MYH14: variants seen among roughly 807,000 people sequenced by gnomAD.
MYH14 encodes the protein myosin heavy chain 14.
In MYH14, 123 loss-of-function variants were observed where a neutral mutation model predicts 255.5. That is an observed-to-expected ratio of 0.48 (90% CI 0.42 to 0.56). The LOEUF (loss-of-function observed/expected upper bound fraction) is 0.56, where lower values mean the gene tolerates loss of function less well. Ranked by LOEUF, MYH14 falls within the 20% of genes least tolerant of loss-of-function variation. The pLI, the probability that MYH14 is intolerant of heterozygous loss-of-function variation, is 0.00. For missense variants in MYH14, 2,423 were observed against 2,802.3 expected, an observed-to-expected ratio of 0.86 and a Z score of 3.06; for synonymous variants, 1,095 against 1,161.2, an observed-to-expected ratio of 0.94 and a Z score of 1.16.
At chr19:50,274,120 C>T (rs1032399179) in intron 27 of MYH14, among the ~76,000 whole-genome samples, 4 of 152,166 alleles carry the variant, frequency 2.6e-5, no homozygotes, top group Non-Finnish European at 5.9e-5. Flanking sequence ...ACTTCGCATA[C>T]CCTGAGCCCT....
intron 16 of MYH14, among the ~76,000 whole-genome samples, chr19:50,253,946 G>A (rs914047527): frequency 1.5e-4 from 23 of 152,286 alleles, no homozygotes; most frequent in South Asian, 2.1e-4. Context: ...GGCCAGGCGC[G>A]GTGGCTCACG....
intron 2 of MYH14, among the ~76,000 whole-genome samples, chr19:50,214,770 G>A (rs188409065): frequency 6.3e-4 from 96 of 152,254 alleles, no homozygotes; most frequent in African/African-American, 2.2e-3. Context: ...GACAGAGCCA[G>A]ACTCTGTCCC....
rs149415127 is a variant in MYH14 at position 50,213,722 on chromosome 19, C to A, written c.405+2952C>A. Among the ~76,000 whole-genome samples the A allele has an allele frequency of 7.2e-5, 11 of 152,292 alleles. No homozygotes were observed. In the East Asian group the frequency reaches 2.1e-3, roughly 29 times the overall value. On this transcript the variant is annotated intron_variant, in intron 2 of 42. Transcript: ENST00000642316. ...AAGGTTGTGAGGTAGGGATTATCAC[C>A]CTCTTTTTCCCACAGCTTGGAGAGG...
At chr19:50,235,404 C>CG (rs397703697) in intron 10 of MYH14, among the ~76,000 whole-genome samples, 26 of 151,284 alleles carry the variant, frequency 1.7e-4, no homozygotes, top group African/African-American at 6.3e-4. Context: ...GCTGGCCCCC[C>CG]AGCTCCCTAC....
chr19:50,276,190 C>T lies in MYH14; in HGVS notation c.3667C>T (p.Gln1223Ter). ...GGACACGCTGGACTCCACCAACGCA[C>T]AGCAGGAGCTCCGGTGAGGCCCGGT... ...LEDTLDSTNA[Q>*]QELRSKREQE... Residue 1223 changes from glutamine (Q) to a stop codon, truncating the protein, a stop_gained, in exon 28 of 43, where the codon CAG becomes TAG. Transcript: ENST00000642316. LOFTEE classifies it high-confidence loss of function. This position sits in a 1 kb window ranked among gnomAD's most constrained non-coding sequence, Gnocchi z 4.3. 2 of 1,544,488 alleles carry T rather than the reference C, an allele frequency of 1.3e-6. No homozygotes were observed. Among genetic ancestry groups the T allele is most frequent in the Non-Finnish European group, 1.7e-6 (2 of 1,144,428 alleles).
At chr19:50,240,227 G>C (rs10426117) in intron 10 of MYH14, among the ~76,000 whole-genome samples, 44,049 of 152,130 alleles carry the variant, frequency 0.29, 6,479 homozygotes, top group East Asian at 0.44. Flanking sequence ...CCTGGAGCTG[G>C]ATGTCTATAG....
Position 50,307,087 on chromosome 19 carries a change from A to G in MYH14, c.5717A>G (p.Glu1906Gly), listed in dbSNP as rs1382667804. ...TCTGGAAAGCTGGTGCGCAGAGCTG[A>G]GAAGCGGCTTAAAGAGGTGGTGCTC... ...ILSGKLVRRA[E>G]KRLKEVVLQV... The change falls in exon 41 of 43, where the codon GAG becomes GGG. Residue 1906 changes from glutamate (E) to glycine (G), a missense_variant. Transcript: ENST00000642316. 6.4e-7 allele frequency: 1 copy of G among 1,551,136 alleles called. No homozygotes were observed. The highest frequency in any genetic ancestry group is 2.0e-5 in the Admixed American group (1 of 50,992).
At position 50,250,290 on chromosome 19, in the gene MYH14, C is replaced by CACCACCACGCCCGGCTAATTTTTT; in HGVS notation, c.1657-225_1657-224insACCACCACGCCCGGCTAATTTTTT. 1.3e-5 allele frequency among the ~76,000 whole-genome samples: 2 copies of CACCACCACGCCCGGCTAATTTTTT among 151,964 alleles called. No individual in the cohort carries two copies. The highest frequency in any genetic ancestry group is 6.6e-5 in the Admixed American group (1 of 15,248). ...TAATTTTTTGTATTTTTAGTAGAGT[C>CACCACCACGCCCGGCTAATTTTTT]GGGGGTTTCACTGTGTTAGCCAGGA... On this transcript the variant is annotated intron_variant, in intron 14 of 42. Coordinates refer to ENST00000642316, the MANE Select transcript of MYH14 (RefSeq NM_001145809.2). This position sits in a 1 kb window ranked among gnomAD's most constrained non-coding sequence, Gnocchi z 5.4.
chr19:50,223,065 C>T lies in MYH14; in HGVS notation c.563-18C>T, dbSNP rs1568472371. The stretch of plus-strand genomic sequence containing the variant: ...AGACTCTCTCAGATGACATATTCCC[C>T]CACTCTGTCCCCTACAGATCGTGAG... On this transcript the variant is annotated intron_variant, in intron 3 of 42. Transcript: ENST00000642316. The T allele has an allele frequency of 8.7e-6, 14 of 1,611,862 alleles. No individual in the cohort carries two copies. The East Asian group carries it at 3.1e-4, about 36-fold the overall frequency.
In MYH14 at chr19:50,225,673, G is replaced by A. The variant is rs371293576; in HGVS notation, c.806G>A (p.Arg269Gln). ...ACAGTGAAGAATGACAACTCCTCCC[G>A]ATTCGTGAGTGCCAGGGGTGGGCAG... ...AKTVKNDNSS[R>Q]FGKFIRINFD... Residue 269 changes from arginine to glutamine, a missense_variant, in exon 7 of 43, where the codon CGA becomes CAA. Arg to Gln is a conservative substitution (Grantham distance 43). Around this residue, in one of 3 missense-constraint regions of MYH14, gnomAD observed 672 missense variants for 881.8 expected, o/e 0.76. Transcript: ENST00000642316. 3.1e-6 allele frequency: 5 copies of A among 1,612,904 alleles called. No homozygotes were observed. Among genetic ancestry groups the A allele is most frequent in the African/African-American group, 1.3e-5 (1 of 74,916 alleles).
intron 16 of MYH14, 21 bp from the exon 17 acceptor site, chr19:50,255,199 A>C: frequency 6.6e-7 from 1 of 1,504,158 alleles, no homozygotes; most frequent in South Asian, 1.2e-5. Context: ...ACCCACCCAC[A>C]CATCTGTCCT....
chr19:50,247,735 T>C (rs80246356), intron 12 of MYH14, among the ~76,000 whole-genome samples: 6,839 of 151,588 alleles, frequency 0.045, 266 homozygotes, highest in Admixed American at 0.11. Flanking sequence ...GTAAAGGCCC[T>C]GGGGGTGGAG....
Position 50,263,293 on chromosome 19 carries a change from C to G in MYH14, c.2586-19C>G, listed in dbSNP as rs62113878. 1.1e-3 allele frequency: 1,619 copies of G among 1,509,156 alleles called. 2 individuals carry two copies. Among genetic ancestry groups the G allele is most frequent in the Middle Eastern group, 4.9e-3 (28 of 5,744 alleles). 93.5% of individuals were successfully genotyped at this position (1,509,156 alleles called of 1,614,324 possible). On this transcript the variant is annotated intron_variant, in intron 21 of 42. Coordinates refer to ENST00000642316, the MANE Select transcript of MYH14 (RefSeq NM_001145809.2). ...GCCTGGAGGCTCCCACTCTGCCCCTCACCCATTTCCCCACCCAGGGCCTTC... is the reference window on the plus strand; with the variant it reads ...GCCTGGAGGCTCCCACTCTGCCCCTGACCCATTTCCCCACCCAGGGCCTTC...
Position 50,246,951 on chromosome 19 carries a change from C to T in MYH14, c.1211-53C>T, listed in dbSNP as rs144215696. 16,749 of 1,313,372 alleles carry T rather than the reference C, an allele frequency of 0.013. 129 individuals are homozygous for T. The highest frequency in any genetic ancestry group is 0.015 in the Non-Finnish European group (14,232 of 931,138). The allele number at this position is 1,313,372 out of a possible 1,614,324, so 81.4% of individuals were successfully genotyped here. On this transcript the variant is annotated intron_variant, in intron 11 of 42. Coordinates refer to ENST00000642316, the MANE Select transcript of MYH14 (RefSeq NM_001145809.2). ...AAACGGTACCCTCTCCCTTGCTGGGCAGCAAGCACCTCTTCCCAGTGCTGA... is the reference window on the plus strand; with the variant it reads ...AAACGGTACCCTCTCCCTTGCTGGGTAGCAAGCACCTCTTCCCAGTGCTGA...
Position 50,310,004 on chromosome 19 carries a change from A to G in MYH14, c.*214A>G. On this transcript the variant is annotated 3_prime_UTR_variant, in exon 43 of 43. Transcript: ENST00000642316. ...AGAGGAGCGGGGCAGGCAGGGAGGC[A>G]ATGACTGGAGCTACCTTGCTTGTTG... 1.5e-6 allele frequency: 1 copy of G among 656,374 alleles called. No individual in the cohort carries two copies. Among genetic ancestry groups the G allele is most frequent in the Non-Finnish European group, 2.7e-6 (1 of 371,454 alleles). 40.7% of individuals were successfully genotyped at this position (656,374 alleles called of 1,614,324 possible).
At position 50,224,100 on chromosome 19, in the gene MYH14, C is replaced by T. The variant is rs554355607; in HGVS notation, c.694-54C>T. On this transcript the variant is annotated intron_variant, in intron 5 of 42. Coordinates refer to ENST00000642316, the MANE Select transcript of MYH14 (RefSeq NM_001145809.2). The stretch of plus-strand genomic sequence containing the variant: ...TCACTGGTTCACCTGTGTGTCTGTC[C>T]ACGTTCCATGTGCTGTGTCCTGGTC... The T allele has an allele frequency of 1.1e-5, 15 of 1,417,528 alleles. No individual in the cohort carries two copies. The East Asian group carries it at 3.4e-4, about 32-fold the overall frequency. The allele number at this position is 1,417,528 out of a possible 1,614,324, so 87.8% of individuals were successfully genotyped here. A position where few individuals can be genotyped will look rare whatever the true frequency, so the allele number is the denominator to read the frequency against.
At chr19:50,267,466 A>G (rs1362038949) in intron 23 of MYH14, among the ~76,000 whole-genome samples, 3 of 152,134 alleles carry the variant, frequency 2.0e-5, no homozygotes, top group Non-Finnish European at 2.9e-5. Context: ...ACTCTGGCCA[A>G]CATGGTGAAA....
intron 10 of MYH14, among the ~76,000 whole-genome samples, chr19:50,233,773 G>T (rs1253509468): frequency 1.3e-5 from 2 of 151,494 alleles, no homozygotes; most frequent in African/African-American, 4.8e-5. Flanking sequence ...GCGGCTCCCT[G>T]TGTGTGCATC....
rs73060990 is a variant in MYH14 at position 50,210,154 on chromosome 19, C to A, written c.-3-209C>A. 0.02 allele frequency among the ~76,000 whole-genome samples: 2,839 copies of A among 144,084 alleles called. 42 individuals are homozygous for A. Among genetic ancestry groups the A allele is most frequent in the Middle Eastern group, 0.049 (13 of 264 alleles). 94.5% of individuals were successfully genotyped at this position (144,084 alleles called of 152,430 possible). ...GAACTGACCCTCTGAGCCTGGTTCA[C>A]AGCCTAGCTTATTAAAGAATGAATG... On this transcript the variant is annotated intron_variant, in intron 1 of 42. Coordinates refer to ENST00000642316, the MANE Select transcript of MYH14 (RefSeq NM_001145809.2).
Sources: allele counts gnomAD v4.1 joint callset (sites outside exome capture counted in the v4.1 genomes callset), GRCh38; gene constraint gnomAD v4.1.1; regional missense constraint gnomAD v4.1.1; non-coding constraint Gnocchi (gnomAD v3.1); transcripts MANE v1.5; gene names NCBI Gene and HGNC (gene_info 2026-07-23, HGNC 2026-07-21).